The following GTF2H4 variants were observed in gnomAD, a reference collection of about 807,000 sequenced individuals.
GTF2H4 encodes BTF2 p52.
GTF2H4 carries 49 observed loss-of-function variants against 62.2 expected under a neutral mutation model. The ratio of observed to expected loss-of-function variants is 0.79; its 90% CI spans 0.63 to 1.00. The LOEUF (loss-of-function observed/expected upper bound fraction) is 1.00. GTF2H4 is among the 50% of genes least tolerant of loss of function. The pLI, the probability that GTF2H4 is intolerant of heterozygous loss-of-function variation, is 0.00. For missense variants in GTF2H4, 479 were observed against 587.8 expected, an observed-to-expected ratio of 0.81 and a Z score of 1.91; for synonymous variants, 189 against 233.8, an observed-to-expected ratio of 0.81 and a Z score of 1.75.
Position 30,911,336 on chromosome 6 carries a change from C to T in GTF2H4, c.672+67C>T. 1 of 1,520,798 alleles carries T rather than the reference C, an allele frequency of 6.6e-7. No homozygotes were observed. The highest frequency in any genetic ancestry group is 9.1e-7 in the Non-Finnish European group (1 of 1,097,012). The allele number at this position is 1,520,798 out of a possible 1,614,324, so 94.2% of individuals were successfully genotyped here. A position where few individuals can be genotyped will look rare whatever the true frequency, so the allele number is the denominator to read the frequency against. ...TCAGGTCTCACTGAGAGACTCCTGC[C>T]TACAGACTGTTCCCTGATTTTCTCT... On this transcript the variant is annotated intron_variant, in intron 7 of 13. Coordinates refer to ENST00000259895, the MANE Select transcript of GTF2H4 (RefSeq NM_001517.5). This position sits in a 1 kb window ranked among gnomAD's most constrained non-coding sequence, Gnocchi z 4.3.
chr6:30,909,902 A>G lies in GTF2H4; in HGVS notation c.243-30A>G, dbSNP rs182229282. ...TGGGCCTCCTTTTTGTTTTCCAAAT[A>G]CCCTACTCACCTCTCTGCTTCTGTT... On this transcript the variant is annotated intron_variant, in intron 3 of 13. Coordinates refer to ENST00000259895, the MANE Select transcript of GTF2H4 (RefSeq NM_001517.5). This position sits in a 1 kb window ranked among gnomAD's most constrained non-coding sequence, Gnocchi z 4.3. The G allele has an allele frequency of 1.0e-4, 165 of 1,590,930 alleles. 1 individual carries two copies. In the African/African-American group the frequency reaches 1.9e-3, roughly 19 times the overall value.
Position 30,912,050 on chromosome 6 carries a change from A to G in GTF2H4, c.862A>G (p.Ile288Val). Residue 288 changes from isoleucine to valine, a missense_variant, in exon 10 of 14, where the codon ATC becomes GTC. Coordinates refer to ENST00000259895, the MANE Select transcript of GTF2H4 (RefSeq NM_001517.5). This position sits in a 1 kb window ranked among gnomAD's most constrained non-coding sequence, Gnocchi z 4.8. ...GCGTTACTACCCCACACGCCTGGCC[A>G]TCAATCTCTCATCAGGTGTCTCTGG... ...SRRYYPTRLA[I>V]NLSSGVSGAG... 3.1e-6 allele frequency: 5 copies of G among 1,612,992 alleles called. No homozygotes were observed. The highest frequency in any genetic ancestry group is 4.2e-6 in the Non-Finnish European group (5 of 1,179,994).
rs1793730405 is a variant in GTF2H4 at position 30,910,799 on chromosome 6, TCTA to T, written c.471+41_471+43del. ...GAGTGTGTGTGTCTCTGCTTGTGCT[TCTA>T]CTTCCCATGGCCCTTGGGGCATGGT... On this transcript the variant is annotated intron_variant, in intron 5 of 13. Coordinates refer to ENST00000259895, the MANE Select transcript of GTF2H4 (RefSeq NM_001517.5). The surrounding 1 kb of genome is among the most constrained non-coding windows in gnomAD (Gnocchi z 4.7). The T allele has an allele frequency of 1.9e-6, 3 of 1,604,824 alleles. No homozygotes were observed. Among genetic ancestry groups the T allele is most frequent in the East Asian group, 2.2e-5 (1 of 44,808 alleles).
rs896496117 is a variant in GTF2H4 at position 30,913,731 on chromosome 6, G to A, written c.1217-80G>A. On this transcript the variant is annotated intron_variant, in intron 13 of 13. Transcript: ENST00000259895. This position sits in a 1 kb window ranked among gnomAD's most constrained non-coding sequence, Gnocchi z 4.2. Reference sequence around the variant, plus strand: ...CCGCGTCCAGGGCTGCCACCAAGGAGCTGGGGGGATTCCCAATAGGAGCTC... The same window carrying A: ...CCGCGTCCAGGGCTGCCACCAAGGAACTGGGGGGATTCCCAATAGGAGCTC... 3 of 1,354,924 alleles carry A rather than the reference G, an allele frequency of 2.2e-6. No individual in the cohort carries two copies. Among genetic ancestry groups the A allele is most frequent in the Non-Finnish European group, 3.0e-6 (3 of 1,008,572 alleles). 83.9% of individuals were successfully genotyped at this position (1,354,924 alleles called of 1,614,324 possible).
Position 30,912,269 on chromosome 6 carries a change from G to T in GTF2H4, c.959-59G>T. 1 of 1,607,226 alleles carries T rather than the reference G, an allele frequency of 6.2e-7. No homozygotes were observed. The highest frequency in any genetic ancestry group is 8.5e-7 in the Non-Finnish European group (1 of 1,176,516). ...ATTTCTCATGACACTTGAAAGAAGG[G>T]CTTGAGGGAGTCTGGGTGTGGGGGT... is the stretch of plus-strand genomic sequence containing the variant. On this transcript the variant is annotated intron_variant, in intron 10 of 13. Transcript: ENST00000259895. The surrounding 1 kb of genome is among the most constrained non-coding windows in gnomAD (Gnocchi z 4.8).
chr6:30,913,515 G>C lies in GTF2H4; in HGVS notation c.1216+128G>C. On this transcript the variant is annotated intron_variant, in intron 13 of 13. Coordinates refer to ENST00000259895, the MANE Select transcript of GTF2H4 (RefSeq NM_001517.5). This position sits in a 1 kb window ranked among gnomAD's most constrained non-coding sequence, Gnocchi z 4.2. ...TGGCAAGACAGTTTTTTGTTGTTTT[G>C]GGGTGAGTCGGTAGTAAACAAATCG... 9.5e-7 allele frequency: 1 copy of C among 1,052,522 alleles called. No individual in the cohort carries two copies. The allele number at this position is 1,052,522 out of a possible 1,614,324, so 65.2% of individuals were successfully genotyped here. A position where few individuals can be genotyped will look rare whatever the true frequency, so the allele number is the denominator to read the frequency against.
chr6:30,913,244 A>G lies in GTF2H4; in HGVS notation c.1138-65A>G, dbSNP rs3218824. The G allele has an allele frequency of 0.052, 83,670 of 1,612,002 alleles. 2,460 individuals are homozygous for G. Among genetic ancestry groups the G allele is most frequent in the African/African-American group, 0.057 (4,277 of 74,968 alleles). ...AAGGGGCATCCAAATCTGGGGAAGA[A>G]ACAGAGGGCCGGGTTGTCTGGGGCA... On this transcript the variant is annotated intron_variant, in intron 12 of 13. Transcript: ENST00000259895. The surrounding 1 kb of genome is among the most constrained non-coding windows in gnomAD (Gnocchi z 4.2).
In GTF2H4 at chr6:30,913,904, C is replaced by T. The variant is rs780449121; in HGVS notation, c.1310C>T (p.Ala437Val). Reference sequence around the variant, plus strand: ...GGCGTGCTCGTGTTCGAGAACTCGGCCAAGCGGCTCATGGTGGTGACCCCG... The same window carrying T: ...GGCGTGCTCGTGTTCGAGAACTCGGTCAAGCGGCTCATGGTGGTGACCCCG... ...ELGVLVFENS[A>V]KRLMVVTPAG... Residue 437 changes from alanine (A) to valine (V), a missense_variant, in exon 14 of 14, where the codon GCC becomes GTC. Transcript: ENST00000259895. The surrounding 1 kb of genome is among the most constrained non-coding windows in gnomAD (Gnocchi z 4.2). The T allele has an allele frequency of 1.2e-6, 2 of 1,610,376 alleles. No individual in the cohort carries two copies. The highest frequency in any genetic ancestry group is 3.3e-5 in the Admixed American group (2 of 59,830).
chr6:30,911,766 A>G lies in GTF2H4; in HGVS notation c.824A>G (p.Lys275Arg), dbSNP rs779320170. 2 of 1,612,174 alleles carry G rather than the reference A, an allele frequency of 1.2e-6. No homozygotes were observed. The highest frequency in any genetic ancestry group is 1.7e-5 in the Admixed American group (1 of 60,018). ...LREFGLVFQRKRKSRRYYPTR... is the reference protein window; with the variant it reads ...LREFGLVFQRRRKSRRYYPTR... ...GAGTTTGGGCTTGTTTTCCAGAGGA[A>G]GGTATGAGCGCCTAGATAAGTGGCT... Residue 275 changes from lysine to arginine, a missense_variant and splice_region_variant, in exon 9 of 14, where the codon AAG becomes AGG. Coordinates refer to ENST00000259895, the MANE Select transcript of GTF2H4 (RefSeq NM_001517.5). This position sits in a 1 kb window ranked among gnomAD's most constrained non-coding sequence, Gnocchi z 4.3.
In GTF2H4 at chr6:30,913,255, G is replaced by T; in HGVS notation, c.1138-54G>T. The stretch of plus-strand genomic sequence containing the variant: ...AAATCTGGGGAAGAAACAGAGGGCC[G>T]GGTTGTCTGGGGCAGTATTCTGAGT... On this transcript the variant is annotated intron_variant, in intron 12 of 13. Transcript: ENST00000259895. This position sits in a 1 kb window ranked among gnomAD's most constrained non-coding sequence, Gnocchi z 4.2. 6.2e-7 allele frequency: 1 copy of T among 1,612,278 alleles called. No homozygotes were observed. Among genetic ancestry groups the T allele is most frequent in the East Asian group, 2.2e-5 (1 of 44,830 alleles).
rs778452455 is a variant in GTF2H4 at position 30,911,168 on chromosome 6, G to C, written c.571G>C (p.Gly191Arg). The stretch of plus-strand genomic sequence containing the variant: ...GGTCTTTGTCTCTAGTACTGAACCT[G>C]GAGAGCCGCCCTGCATTACTTCCGC... ...QAGLMKSTEPGEPPCITSAGF... is the reference protein window; with the variant it reads ...QAGLMKSTEPREPPCITSAGF... The change falls in exon 7 of 14, where the codon GGA becomes CGA. Residue 191 changes from glycine to arginine, a missense_variant. By Grantham distance (125) the Gly-to-Arg change is moderately radical (BLOSUM62 -2). Coordinates refer to ENST00000259895, the MANE Select transcript of GTF2H4 (RefSeq NM_001517.5). This position sits in a 1 kb window ranked among gnomAD's most constrained non-coding sequence, Gnocchi z 4.3. The C allele has an allele frequency of 6.2e-7, 1 of 1,612,698 alleles. No homozygotes were observed. The highest frequency in any genetic ancestry group is 1.3e-5 in the African/African-American group (1 of 74,872).
rs1132408 is a variant in GTF2H4 at position 30,913,326 on chromosome 6, C to G, written c.1155C>G (p.Pro385=). The part of the protein sequence containing the change: ...VMLKQTPVLP[P]TITDQIRLWE... ...CCTTGCAGACACCTGTGCTGCCCCCCACCATCACCGACCAGATCCGGCTCT... is the reference window on the plus strand; with the variant it reads ...CCTTGCAGACACCTGTGCTGCCCCCGACCATCACCGACCAGATCCGGCTCT... The change falls in exon 13 of 14, where the codon CCC becomes CCG. Residue 385 remains proline (P), a synonymous_variant. Transcript: ENST00000259895. The surrounding 1 kb of genome is among the most constrained non-coding windows in gnomAD (Gnocchi z 4.2). The G allele has an allele frequency of 5.0e-6, 8 of 1,613,570 alleles. No individual in the cohort carries two copies. The highest frequency in any genetic ancestry group is 4.5e-5 in the East Asian group (2 of 44,892).
rs539759513 is a variant in GTF2H4, at chr6:30,911,441, T to C, written c.683T>C (p.Met228Thr). The change falls in exon 8 of 14, where the codon ATG (methionine) becomes ACG (threonine). Residue 228 changes from methionine to threonine, a missense_variant. Met to Thr is a moderately conservative substitution (Grantham distance 81). Transcript: ENST00000259895. This position sits in a 1 kb window ranked among gnomAD's most constrained non-coding sequence, Gnocchi z 4.3. Reference sequence around the variant, plus strand: ...CCTCTTTCTCCCTAGAGCCGGGGCATGGACCTGGTAGAGATTCTCTCCTTC... The same window carrying C: ...CCTCTTTCTCCCTAGAGCCGGGGCACGGACCTGGTAGAGATTCTCTCCTTC... ...QYLQTAQSRG[M>T]DLVEILSFLF... 3 of 1,613,800 alleles carry C rather than the reference T, an allele frequency of 1.9e-6. No homozygotes were observed. The highest frequency in any genetic ancestry group is 2.5e-6 in the Non-Finnish European group (3 of 1,179,852).
At position 30,909,967 on chromosome 6, in the gene GTF2H4, T is replaced by A. The variant is rs761872281; in HGVS notation, c.278T>A (p.Leu93His). 6.8e-6 allele frequency: 11 copies of A among 1,612,952 alleles called. No individual in the cohort carries two copies. The highest frequency in any genetic ancestry group is 8.5e-6 in the Non-Finnish European group (10 of 1,179,960). Reference sequence around the variant, plus strand: ...GAAAGTACAGGGCTGCTGAGCGGCCTCCGGATCTGGCACACACAGCTGCTC... The same window carrying A: ...GAAAGTACAGGGCTGCTGAGCGGCCACCGGATCTGGCACACACAGCTGCTC... Reference protein sequence around the residue: ...QEESTGLLSGLRIWHTQLLPG... With the variant: ...QEESTGLLSGHRIWHTQLLPG... The change falls in exon 4 of 14, where the codon CTC (leucine) becomes CAC (histidine). Residue 93 changes from leucine (L) to histidine (H), a missense_variant. Coordinates refer to ENST00000259895, the MANE Select transcript of GTF2H4 (RefSeq NM_001517.5). This position sits in a 1 kb window ranked among gnomAD's most constrained non-coding sequence, Gnocchi z 4.3.
rs1793904729 is a variant in GTF2H4 at position 30,913,477 on chromosome 6, A to G, written c.1216+90A>G. 2 of 1,416,316 alleles carry G rather than the reference A, an allele frequency of 1.4e-6. No homozygotes were observed. Among genetic ancestry groups the G allele is most frequent in the Admixed American group, 4.3e-5 (2 of 46,638 alleles). 87.7% of individuals were successfully genotyped at this position (1,416,316 alleles called of 1,614,324 possible). A position where few individuals can be genotyped will look rare whatever the true frequency, so the allele number is the denominator to read the frequency against. ...CATTTTATTTTTTACTTCATGGACT[A>G]GGAGAGAAAAGCTGGCAAGACAGTT... On this transcript the variant is annotated intron_variant, in intron 13 of 13. Coordinates refer to ENST00000259895, the MANE Select transcript of GTF2H4 (RefSeq NM_001517.5). The surrounding 1 kb of genome is among the most constrained non-coding windows in gnomAD (Gnocchi z 4.2).
Position 30,913,640 on chromosome 6 carries a change from G to A in GTF2H4, c.1217-171G>A, listed in dbSNP as rs1349048702. Among the ~76,000 whole-genome samples, 1 of 152,202 alleles carries A rather than the reference G, an allele frequency of 6.6e-6. No individual in the cohort carries two copies. Among genetic ancestry groups the A allele is most frequent in the Non-Finnish European group, 1.5e-5 (1 of 68,030 alleles). On this transcript the variant is annotated intron_variant, in intron 13 of 13. Coordinates refer to ENST00000259895, the MANE Select transcript of GTF2H4 (RefSeq NM_001517.5). This position sits in a 1 kb window ranked among gnomAD's most constrained non-coding sequence, Gnocchi z 4.2. ...TATGGCTGGATCACACTGGTGTTAA[G>A]ATGAACCCCTGAGCAGACAAGCATA...
At position 30,909,225 on chromosome 6, in the gene GTF2H4, T is replaced by C; in HGVS notation, c.137+52T>C. On this transcript the variant is annotated intron_variant, in intron 2 of 13. Coordinates refer to ENST00000259895, the MANE Select transcript of GTF2H4 (RefSeq NM_001517.5). This position sits in a 1 kb window ranked among gnomAD's most constrained non-coding sequence, Gnocchi z 4.3. The stretch of plus-strand genomic sequence containing the variant: ...ATGTAATGGGGTCTGCGGAGTGGAA[T>C]AAAATATCATAGGTAAAAGTGTAGC... 1 of 1,558,482 alleles carries C rather than the reference T, an allele frequency of 6.4e-7. No individual in the cohort carries two copies. Among genetic ancestry groups the C allele is most frequent in the Non-Finnish European group, 8.7e-7 (1 of 1,150,010 alleles).
chr6:30,910,039 AC>A lies in GTF2H4; in HGVS notation c.352del (p.Leu118SerfsTer68), dbSNP rs776351230. On this transcript the variant is annotated frameshift_variant, in exon 4 of 14. Transcript: ENST00000259895. LOFTEE classifies it high-confidence loss of function. This position sits in a 1 kb window ranked among gnomAD's most constrained non-coding sequence, Gnocchi z 4.7. ...GLILNPIFRQNLRIALLGGGK... is the reference protein window; with the variant it reads ...GLILNPIFRQXLRIALLGGGK... The stretch of plus-strand genomic sequence containing the variant: ...ATCCTCAACCCCATTTTCCGCCAGA[AC>A]CTCCGCATTGCCCTTCTGGGTGGGT... The A allele has an allele frequency of 5.5e-5, 89 of 1,612,118 alleles. No homozygotes were observed. Among genetic ancestry groups the A allele is most frequent in the Non-Finnish European group, 7.2e-5 (85 of 1,179,812 alleles).
Position 30,910,539 on chromosome 6 carries a change from C to T in GTF2H4, c.375-126C>T. The T allele has an allele frequency of 1.4e-6, 1 of 737,748 alleles. No individual in the cohort carries two copies. The highest frequency in any genetic ancestry group is 2.5e-6 in the Non-Finnish European group (1 of 407,094). The allele number at this position is 737,748 out of a possible 1,614,324, so 45.7% of individuals were successfully genotyped here. On this transcript the variant is annotated intron_variant, in intron 4 of 13. Transcript: ENST00000259895. This position sits in a 1 kb window ranked among gnomAD's most constrained non-coding sequence, Gnocchi z 4.7. ...AGAGATGGGGTTTCGCCATGTTGGCCAGGCTGGTCTTGAACTCCTGACCTC... is the reference window on the plus strand; with the variant it reads ...AGAGATGGGGTTTCGCCATGTTGGCTAGGCTGGTCTTGAACTCCTGACCTC...
Sources: gnomAD v4.1 joint callset for allele counts (sites outside exome capture counted in the v4.1 genomes callset) on GRCh38, gnomAD v4.1.1 for gene constraint, Gnocchi (gnomAD v3.1) non-coding constraint, MANE v1.5 for transcripts, NCBI Gene and HGNC (gene_info 2026-07-23, HGNC 2026-07-21) for gene names.